Variants in NWD2 observed in about 807,000 individuals in gnomAD.
NWD2 encodes NACHT and WD repeat domain containing 2, also known as NACHT and WD repeat domain-containing protein 2.
NWD2 carries 37 observed loss-of-function variants against 132.7 expected under a neutral mutation model. That is an observed-to-expected ratio of 0.28 (90% confidence interval 0.21 to 0.37). NWD2 has a LOEUF of 0.37. Among genes scored for constraint, NWD2 ranks in the 10% least tolerant of loss-of-function variants. The probability of loss-of-function intolerance (pLI) is 1.00; values close to 1 mark genes in which losing one functional copy is unlikely to be tolerated. For missense variants in NWD2, 1,592 were observed against 2,122.4 expected (o/e 0.75, Z 4.91); for synonymous variants, 705 against 803.0 (o/e 0.88, Z 2.06).
At chr4:37,277,506 A>G (rs907434135) in intron 1 of NWD2, among the ~76,000 whole-genome samples, 2 of 151,210 alleles carry the variant, frequency 1.3e-5, no homozygotes, top group African/African-American at 4.9e-5. Flanking sequence ...GATTATTTTT[A>G]TTCTGTCATC....
At chr4:37,412,148 G>A (rs1258459650) in intron 3 of NWD2, among the ~76,000 whole-genome samples, 3 of 152,150 alleles carry the variant, frequency 2.0e-5, no homozygotes, top group African/African-American at 7.2e-5. Context: ...AATGAGGCAA[G>A]AGAAAGAAAT....
intron 1 of NWD2, among the ~76,000 whole-genome samples, chr4:37,300,188 T>C (rs1046946593): frequency 6.6e-6 from 1 of 152,220 alleles, no homozygotes; most frequent in African/African-American, 2.4e-5. Flanking sequence ...AGTAGCACTT[T>C]GCTTATACTC....
intron 3 of NWD2, among the ~76,000 whole-genome samples, chr4:37,400,962 C>T (rs1224959662): frequency 2.6e-5 from 4 of 152,176 alleles, no homozygotes; most frequent in Admixed American, 6.5e-5. Flanking sequence ...GATTATTAAG[C>T]ATTCTTCAGT....
At chr4:37,270,510 T>C (rs1717848835) in intron 1 of NWD2, among the ~76,000 whole-genome samples, 1 of 151,702 alleles carries the variant, frequency 6.6e-6, no homozygotes, top group Non-Finnish European at 1.5e-5. Context: ...CTAGGGTGCA[T>C]GGCTCCCACG....
intron 3 of NWD2, among the ~76,000 whole-genome samples, chr4:37,410,091 G>C (rs557336206): frequency 2.8e-4 from 43 of 152,274 alleles, no homozygotes; most frequent in Non-Finnish European, 2.6e-4. Context: ...TGAAGAAACT[G>C]CATCAACTAA....
At chr4:37,332,259 C>A (rs577356856) in intron 2 of NWD2, among the ~76,000 whole-genome samples, 2 of 152,114 alleles carry the variant, frequency 1.3e-5, no homozygotes, top group Non-Finnish European at 2.9e-5. Context: ...GTGCAGCTCA[C>A]GGCTCTGGGA....
At position 37,329,614 on chromosome 4, in the gene NWD2, C is replaced by CA. The variant is rs151069340; in HGVS notation, c.240+3601dup. On this transcript the variant is annotated intron_variant, in intron 2 of 6. Transcript: ENST00000309447. ...TGGACAACAGAGTGAGACCCTGTCTCAAAAAAAAAAATTAGAACAGTAAAG... is the reference window on the plus strand; with the variant it reads ...TGGACAACAGAGTGAGACCCTGTCTCAAAAAAAAAAAATTAGAACAGTAAAG... Among the ~76,000 whole-genome samples, 92 of 144,412 alleles carry CA rather than the reference C, an allele frequency of 6.4e-4. 1 individual carries two copies. The highest frequency in any genetic ancestry group is 5.2e-3 in the South Asian group (24 of 4,646). The allele number at this position is 144,412 out of a possible 152,430, so 94.7% of individuals were successfully genotyped here. A position where few individuals can be genotyped will look rare whatever the true frequency, so the allele number is the denominator to read the frequency against.
chr4:37,400,286 G>A (rs919684514), intron 3 of NWD2, among the ~76,000 whole-genome samples: 1 of 152,180 alleles, frequency 6.6e-6, no homozygotes, highest in African/African-American at 2.4e-5. Context: ...TCCTTCCAGT[G>A]GGAAAATAAA....
intron 3 of NWD2, among the ~76,000 whole-genome samples, chr4:37,424,881 A>G (rs1019213950): frequency 6.6e-6 from 1 of 152,218 alleles, no homozygotes; most frequent in African/African-American, 2.4e-5. Flanking sequence ...ACTGCATGCC[A>G]CAGACTCAGA....
At chr4:37,342,065 G>A (rs1342125377) in intron 2 of NWD2, among the ~76,000 whole-genome samples, 1 of 152,106 alleles carries the variant, frequency 6.6e-6, no homozygotes, top group South Asian at 2.1e-4. Context: ...GCACTGATAC[G>A]GTTTGGATGT....
intron 3 of NWD2, among the ~76,000 whole-genome samples, chr4:37,377,785 A>G (rs1720373830): frequency 6.6e-6 from 1 of 152,194 alleles, no homozygotes; most frequent in African/African-American, 2.4e-5. Flanking sequence ...ATAATTTAAA[A>G]TAGTTAATAA....
At position 37,443,663 on chromosome 4, in the gene NWD2, C is replaced by T. The variant is rs868385964; in HGVS notation, c.1675C>T (p.Leu559Phe). The change falls in exon 7 of 7, where the codon CTT (leucine) becomes TTT (phenylalanine). Residue 559 changes from leucine to phenylalanine, a missense_variant. Physicochemically the swap from Leu to Phe is conservative, Grantham distance 22. Coordinates refer to ENST00000309447, the MANE Select transcript of NWD2 (RefSeq NM_001144990.2). This position sits in a 1 kb window ranked among gnomAD's most constrained non-coding sequence, Gnocchi z 4.1. Reference protein sequence around the residue: ...KHGILQKLRCLIHEEDNYIEL... With the variant: ...KHGILQKLRCFIHEEDNYIEL... ...TGGGATCTTGCAGAAACTAAGGTGC[C>T]TTATCCATGAAGAAGACAACTACAT... is the stretch of plus-strand genomic sequence containing the variant. 1.3e-6 allele frequency: 2 copies of T among 1,552,094 alleles called. No individual in the cohort carries two copies. The highest frequency in any genetic ancestry group is 1.2e-5 in the South Asian group (1 of 84,038).
intron 1 of NWD2, among the ~76,000 whole-genome samples, chr4:37,289,112 G>A (rs1305141540): frequency 6.6e-6 from 1 of 152,002 alleles, no homozygotes; most frequent in African/African-American, 2.4e-5. Flanking sequence ...TAATCCCTGA[G>A]ATTGTCAGTG....
chr4:37,363,826 A>G (rs1720030554), intron 3 of NWD2, among the ~76,000 whole-genome samples: 1 of 152,190 alleles, frequency 6.6e-6, no homozygotes, highest in African/African-American at 2.4e-5. Flanking sequence ...TTGAAATTAT[A>G]TATAAAAAAG....
intron 2 of NWD2, among the ~76,000 whole-genome samples, chr4:37,343,701 T>G (rs1278873910): frequency 2.6e-5 from 4 of 152,162 alleles, no homozygotes; most frequent in Non-Finnish European, 4.4e-5. Context: ...AAGAAAATAT[T>G]TTGGAAGACA....
intron 3 of NWD2, among the ~76,000 whole-genome samples, chr4:37,388,483 C>T (rs1011441970): frequency 8.6e-5 from 13 of 151,978 alleles, no homozygotes; most frequent in Non-Finnish European, 1.6e-4. Flanking sequence ...CACGCCTAGC[C>T]GACAGCTGTA....
intron 1 of NWD2, among the ~76,000 whole-genome samples, chr4:37,247,794 G>A (rs1356715003): frequency 1.3e-5 from 2 of 151,968 alleles, no homozygotes; most frequent in Non-Finnish European, 2.9e-5. Context: ...ACTTTTAGTA[G>A]CAACGGGGTT....
At chr4:37,367,448 T>C (rs2109304377) in intron 3 of NWD2, among the ~76,000 whole-genome samples, 1 of 152,210 alleles carries the variant, frequency 6.6e-6, no homozygotes, top group East Asian at 1.9e-4. Flanking sequence ...TAAGTGTCAA[T>C]CTGTCAAGAG....
chr4:37,446,237 G>A lies in NWD2; in HGVS notation c.4249G>A (p.Glu1417Lys). 2 of 1,551,690 alleles carry A rather than the reference G, an allele frequency of 1.3e-6. No individual in the cohort carries two copies. Among genetic ancestry groups the A allele is most frequent in the Non-Finnish European group, 1.7e-6 (2 of 1,147,008 alleles). ...TGACCAGTTTGTGGTCTCGCTCTGT[G>A]AGGAAAATGCCTCCAGGGTTTGGAG... Reference protein sequence around the residue: ...HNDQFVVSLCEENASRVWRLA... With the variant: ...HNDQFVVSLCKENASRVWRLA... Residue 1417 changes from glutamate to lysine, a missense_variant, in exon 7 of 7, where the codon GAG becomes AAG. Around this residue, in one of 7 missense-constraint regions of NWD2, gnomAD observed 1,071 missense variants for 1,398.0 expected, o/e 0.77. Coordinates refer to ENST00000309447, the MANE Select transcript of NWD2 (RefSeq NM_001144990.2). The surrounding 1 kb of genome is among the most constrained non-coding windows in gnomAD (Gnocchi z 6.7).
Sources: gnomAD v4.1 joint callset for allele counts (sites outside exome capture counted in the v4.1 genomes callset) on GRCh38, gnomAD v4.1.1 for gene constraint, gnomAD v4.1.1 regional missense constraint, Gnocchi (gnomAD v3.1) non-coding constraint, MANE v1.5 for transcripts, NCBI Gene and HGNC (gene_info 2026-07-23, HGNC 2026-07-21) for gene names.